Variants in TAF4B observed in about 807,000 individuals in gnomAD.
The protein encoded by TAF4B is TATA-box binding protein associated factor 4b, also known as transcription initiation factor TFIID subunit 4B.
In TAF4B, 38 loss-of-function variants were observed where a neutral mutation model predicts 86.4. That is an observed-to-expected ratio of 0.44 (90% CI 0.34 to 0.58). TAF4B has a LOEUF of 0.58. Ranked by LOEUF, TAF4B falls within the 20% of genes least tolerant of loss-of-function variation. The probability of loss-of-function intolerance (pLI) is 0.02; values close to 1 mark genes in which losing one functional copy is unlikely to be tolerated. For missense variants in TAF4B, 988 were observed against 1,027.6 expected (o/e 0.96, Z 0.53); for synonymous variants, 388 against 391.2 (o/e 0.99, Z 0.10).
chr18:26,331,520 A>G (rs2144692278), intron 12 of TAF4B, among the ~76,000 whole-genome samples: 1 of 152,256 alleles, frequency 6.6e-6, no homozygotes, highest in South Asian at 2.1e-4. Context: ...CAAAATCAAT[A>G]TGTCCAAAAC....
chr18:26,334,050 A>G (rs1031918753), intron 12 of TAF4B, among the ~76,000 whole-genome samples: 2 of 151,950 alleles, frequency 1.3e-5, no homozygotes, highest in African/African-American at 4.8e-5. Context: ...ATATAAATAC[A>G]TATATACACA....
At chr18:26,268,794 TTTTA>T (rs569721480) in intron 3 of TAF4B, among the ~76,000 whole-genome samples, 1 of 152,004 alleles carries the variant, frequency 6.6e-6, no homozygotes, top group Non-Finnish European at 1.5e-5. Flanking sequence ...ATAGTGTCTA[TTTTA>T]TTTATTTTTT....
chr18:26,368,406 A>G (rs1000353928), intron 14 of TAF4B, among the ~76,000 whole-genome samples: 6 of 152,200 alleles, frequency 3.9e-5, no homozygotes, highest in Admixed American at 2.6e-4. Context: ...TTGCTGTTAC[A>G]GGTGATTCTT....
Position 26,357,784 on chromosome 18 carries a change from C to G in TAF4B, c.2411C>G (p.Ser804Cys). 1 of 1,605,844 alleles carries G rather than the reference C, an allele frequency of 6.2e-7. No individual in the cohort carries two copies. Among genetic ancestry groups the G allele is most frequent in the Non-Finnish European group, 8.5e-7 (1 of 1,174,212 alleles). ...CCAAGGAAGAAGAGACCACTAGAAT[C>G]TGGAATTGAGGTATTGAAATAATAT... is the stretch of plus-strand genomic sequence containing the variant. ...IGPRKKRPLESGIEGLKDNLL... is the reference protein window; with the variant it reads ...IGPRKKRPLECGIEGLKDNLL... Residue 804 changes from serine to cysteine, a missense_variant, in exon 14 of 15, where the codon TCT becomes TGT. Ser to Cys is a moderately radical substitution (Grantham distance 112). Coordinates refer to ENST00000269142, the MANE Select transcript of TAF4B (RefSeq NM_005640.3).
At chr18:26,316,393 T>G (rs923944503) in intron 10 of TAF4B, among the ~76,000 whole-genome samples, 1 of 152,036 alleles carries the variant, frequency 6.6e-6, no homozygotes, top group Non-Finnish European at 1.5e-5. Flanking sequence ...TCTTCTTCTT[T>G]TTTTTTTCCT....
intron 7 of TAF4B, among the ~76,000 whole-genome samples, chr18:26,289,773 C>T (rs1402389421): frequency 1.3e-5 from 2 of 152,182 alleles, no homozygotes; most frequent in Non-Finnish European, 2.9e-5. Flanking sequence ...TTTGAAAGAA[C>T]ATTAATGAAT....
chr18:26,233,215 A>T (rs2055698738), intron 1 of TAF4B, among the ~76,000 whole-genome samples: 1 of 152,184 alleles, frequency 6.6e-6, no homozygotes, highest in Admixed American at 6.5e-5. Context: ...GCGGCTGGGA[A>T]GGGGTGTTGG....
chr18:26,237,308 G>C (rs1372625043), intron 1 of TAF4B, among the ~76,000 whole-genome samples: 1 of 152,212 alleles, frequency 6.6e-6, no homozygotes. Flanking sequence ...CTCTCCAAGT[G>C]AGGTTGAAGG....
chr18:26,238,341 C>T (rs1407384274), intron 1 of TAF4B, among the ~76,000 whole-genome samples: 1 of 152,044 alleles, frequency 6.6e-6, no homozygotes, highest in Non-Finnish European at 1.5e-5. Context: ...TGCCTTTTGT[C>T]CTCACTTCTT....
rs1045785515 is a variant in TAF4B, at chr18:26,281,987, C to T, written c.899C>T (p.Ala300Val). Residue 300 changes from alanine (A) to valine (V), a missense_variant, in exon 6 of 15, where the codon GCA (alanine) becomes GTA (valine). This residue lies in a region of TAF4B where 747 missense variants were observed against 737.9 expected (regional missense o/e 1.01). Coordinates refer to ENST00000269142, the MANE Select transcript of TAF4B (RefSeq NM_005640.3). ...ATCCCTCAGGATGCAAAAATCGAAG[C>T]AGAAGAATTTACTAGGAAACTGTAT... ...VEQLLDAKIE[A>V]EEFTRKLYVE... 3.7e-6 allele frequency: 6 copies of T among 1,612,758 alleles called. No homozygotes were observed. The highest frequency in any genetic ancestry group is 5.1e-6 in the Non-Finnish European group (6 of 1,179,524).
chr18:26,282,155 T>A, intron 6 of TAF4B, 95 bp downstream of exon 6: 1 of 1,004,186 alleles, frequency 1.0e-6, no homozygotes, highest in Non-Finnish European at 1.5e-6. Flanking sequence ...CAATTGAATG[T>A]GAAGATACTG....
At chr18:26,272,828 T>C (rs2056337946) in intron 3 of TAF4B, among the ~76,000 whole-genome samples, 1 of 152,114 alleles carries the variant, frequency 6.6e-6, no homozygotes, top group South Asian at 2.1e-4. Flanking sequence ...GAGTGGTAGG[T>C]TGGAGAGCAG....
chr18:26,250,496 CA>C (rs9304494), intron 1 of TAF4B, among the ~76,000 whole-genome samples: 1,664 of 135,592 alleles, frequency 0.012, 20 homozygotes, highest in African/African-American at 0.037. Context: ...GACTCCATCT[CA>C]AAAAAAAAAA....
intron 13 of TAF4B, among the ~76,000 whole-genome samples, chr18:26,341,000 AG>A (rs1323668367): frequency 3.3e-5 from 5 of 152,186 alleles, no homozygotes; most frequent in Non-Finnish European, 7.4e-5. Flanking sequence ...AGAAAATATT[AG>A]AGATTCATAA....
intron 1 of TAF4B, among the ~76,000 whole-genome samples, chr18:26,260,797 T>C (rs1421890559): frequency 6.6e-6 from 1 of 152,242 alleles, no homozygotes; most frequent in Non-Finnish European, 1.5e-5. Flanking sequence ...AAATAATATC[T>C]ATCTCTAGTG....
At chr18:26,340,560 C>T (rs2057128173) in intron 13 of TAF4B, among the ~76,000 whole-genome samples, 1 of 152,082 alleles carries the variant, frequency 6.6e-6, no homozygotes, top group African/African-American at 2.4e-5. Context: ...GGTTCTCAAA[C>T]GTTGACATGC....
chr18:26,311,493 C>T (rs1186907925), intron 9 of TAF4B, among the ~76,000 whole-genome samples: 1 of 151,982 alleles, frequency 6.6e-6, no homozygotes, highest in Non-Finnish European at 1.5e-5. Context: ...CAAAAATTAG[C>T]CAGGCGTGGT....
intron 1 of TAF4B, among the ~76,000 whole-genome samples, chr18:26,245,769 G>A (rs575101372): frequency 1.3e-5 from 2 of 152,156 alleles, no homozygotes; most frequent in African/African-American, 4.8e-5. Flanking sequence ...GTCCGCACTC[G>A]ACCCAGGAAG....
At chr18:26,292,516 A>G in intron 8 of TAF4B, 135 bp downstream of exon 8, 1 of 937,196 alleles carries the variant, frequency 1.1e-6, no homozygotes, top group Non-Finnish European at 1.6e-6. Context: ...GAAAACAGAA[A>G]GATAATCGTT....
Sources: gnomAD v4.1 joint callset for allele counts (sites outside exome capture counted in the v4.1 genomes callset) on GRCh38, gnomAD v4.1.1 for gene constraint, gnomAD v4.1.1 regional missense constraint, MANE v1.5 for transcripts, NCBI Gene and HGNC (gene_info 2026-07-23, HGNC 2026-07-21) for gene names.